Variants in TRPC7 observed in about 807,000 individuals in gnomAD.
TRPC7 encodes transient receptor potential cation channel subfamily C member 7.
A neutral mutation model predicts 90.1 loss-of-function variants in TRPC7; 42 were observed. The observed-to-expected ratio is 0.47, with a 90% CI of 0.36 to 0.60. The LOEUF (loss-of-function observed/expected upper bound fraction) is 0.60, where lower values mean the gene tolerates loss of function less well. TRPC7 is among the 20% of genes least tolerant of loss of function. TRPC7 has a pLI of 0.00. For missense variants in TRPC7, 955 were observed against 1,112.3 expected (o/e 0.86, Z 2.01); for synonymous variants, 451 against 436.3 (o/e 1.03, Z -0.42).
intron 2 of TRPC7, among the ~76,000 whole-genome samples, chr5:136,350,789 C>T (rs960322061): frequency 1.3e-5 from 2 of 152,196 alleles, no homozygotes; most frequent in African/African-American, 4.8e-5. Context: ...GTTCCATCAA[C>T]TCATCACCTG....
At chr5:136,237,597 C>T (rs544879999) in intron 7 of TRPC7, among the ~76,000 whole-genome samples, 1 of 152,266 alleles carries the variant, frequency 6.6e-6, no homozygotes, top group Admixed American at 6.5e-5. Context: ...TTTGAGTATA[C>T]GTTTTTGGCC....
intron 10 of TRPC7, among the ~76,000 whole-genome samples, chr5:136,224,470 T>C (rs1441833378): frequency 6.6e-6 from 1 of 152,200 alleles, no homozygotes; most frequent in Non-Finnish European, 1.5e-5. Context: ...CAGAAACCTG[T>C]GAGCCATGCT....
chr5:136,326,456 A>AT (rs1759351260), intron 2 of TRPC7, among the ~76,000 whole-genome samples: 2 of 152,176 alleles, frequency 1.3e-5, no homozygotes, highest in South Asian at 2.1e-4. Flanking sequence ...TGTTGCTTCA[A>AT]TTTTTTCTTT....
chr5:136,363,822 T>C (rs978738322), intron 1 of TRPC7, among the ~76,000 whole-genome samples: 9 of 152,200 alleles, frequency 5.9e-5, no homozygotes, highest in Non-Finnish European at 1.3e-4. Flanking sequence ...TGTGCTTCTA[T>C]TTTTCTTTTT....
chr5:136,339,839 G>GTAA (rs1221274940), intron 2 of TRPC7, among the ~76,000 whole-genome samples: 2 of 138,114 alleles, frequency 1.4e-5, no homozygotes, highest in Non-Finnish European at 3.3e-5. Context: ...TCTCTCTACT[G>GTAA]CAACAACAAC....
chr5:136,358,320 T>A (rs1279431029), intron 1 of TRPC7, among the ~76,000 whole-genome samples: 2 of 152,216 alleles, frequency 1.3e-5, no homozygotes, highest in African/African-American at 4.8e-5. Flanking sequence ...AGTGTAGAGC[T>A]TAATACTAAT....
At chr5:136,266,512 C>A in intron 4 of TRPC7, 76 bp from the exon 5 acceptor site, 1 of 1,305,334 alleles carries the variant, frequency 7.7e-7, no homozygotes, top group Non-Finnish European at 1.1e-6. Flanking sequence ...ACATCGCTTT[C>A]ACCAAAGTTT....
At chr5:136,356,170 A>C (rs1442603951) in intron 2 of TRPC7, among the ~76,000 whole-genome samples, 1 of 152,244 alleles carries the variant, frequency 6.6e-6, no homozygotes, top group Non-Finnish European at 1.5e-5. Flanking sequence ...AAGACATTCC[A>C]GGATGAGAGA....
At chr5:136,316,679 T>A (rs1477254440) in intron 2 of TRPC7, among the ~76,000 whole-genome samples, 1 of 152,204 alleles carries the variant, frequency 6.6e-6, no homozygotes, top group Admixed American at 6.5e-5. Flanking sequence ...AACAAACTGC[T>A]TAAGTTCTAG....
chr5:136,225,525 C>T (rs1228327149), intron 9 of TRPC7, among the ~76,000 whole-genome samples, 171 bp from the exon 10 acceptor site: 1 of 151,832 alleles, frequency 6.6e-6, no homozygotes, highest in Non-Finnish European at 1.5e-5. Context: ...TTCCTAGGAC[C>T]TTTAGCTCTG....
chr5:136,213,649 C>T (rs753254021), intron 11 of TRPC7, 45 bp from the exon 12 acceptor site: 229 of 1,604,792 alleles, frequency 1.4e-4, no homozygotes, highest in Non-Finnish European at 1.9e-4. Context: ...TAGGTGGAAG[C>T]TCGGGGCTTG....
At chr5:136,258,347 C>G (rs947674519) in intron 5 of TRPC7, among the ~76,000 whole-genome samples, 3 of 152,184 alleles carry the variant, frequency 2.0e-5, no homozygotes, top group African/African-American at 7.2e-5. Flanking sequence ...GTGAAATTGG[C>G]CCCCTGCCGC....
chr5:136,287,759 A>G (rs1361704442), intron 3 of TRPC7, among the ~76,000 whole-genome samples: 3 of 147,962 alleles, frequency 2.0e-5, no homozygotes, highest in Admixed American at 2.0e-4. Flanking sequence ...TGTTGAATGA[A>G]TAAGATGGAG....
chr5:136,285,370 C>G (rs1306005691), intron 3 of TRPC7, among the ~76,000 whole-genome samples: 1 of 152,180 alleles, frequency 6.6e-6, no homozygotes, highest in Non-Finnish European at 1.5e-5. Context: ...CAGCATCAGA[C>G]AGTCTCAAAA....
chr5:136,282,730 C>T (rs1238990585), intron 3 of TRPC7, among the ~76,000 whole-genome samples: 2 of 152,152 alleles, frequency 1.3e-5, no homozygotes, highest in East Asian at 3.8e-4. Flanking sequence ...TTAGAAATAA[C>T]ATGTGTGTAA....
intron 3 of TRPC7, among the ~76,000 whole-genome samples, chr5:136,301,117 C>T (rs972599526): frequency 2.0e-5 from 3 of 152,236 alleles, no homozygotes; most frequent in Admixed American, 2.0e-4. Flanking sequence ...GCAACCTCTG[C>T]CTCTTGGGTT....
At chr5:136,290,187 G>A (rs1757887860) in intron 3 of TRPC7, among the ~76,000 whole-genome samples, 1 of 152,098 alleles carries the variant, frequency 6.6e-6, no homozygotes, top group East Asian at 1.9e-4. Flanking sequence ...CCACAAAGAT[G>A]GGGAAAAAAC....
In TRPC7 at chr5:136,315,564, G is replaced by T. The variant is rs368557517; in HGVS notation, c.963+33C>A. ...CCAGCAGCCCCGAGAAGAGAGGTGA[G>T]ATGGGAAGACCAGGAGAGATGGGGG... is the stretch of plus-strand genomic sequence containing the variant. On this transcript the variant is annotated intron_variant, in intron 3 of 11. Transcript: ENST00000513104. 9.2e-4 allele frequency: 1,482 copies of T among 1,608,202 alleles called. 2 individuals are homozygous for T. Among genetic ancestry groups the T allele is most frequent in the Non-Finnish European group, 1.2e-3 (1,407 of 1,175,530 alleles).
chr5:136,229,885 G>T (rs545214067), intron 8 of TRPC7, among the ~76,000 whole-genome samples: 6 of 152,172 alleles, frequency 3.9e-5, no homozygotes, highest in Non-Finnish European at 8.8e-5. Flanking sequence ...CCCAGAGGAC[G>T]CCCGGTCAAA....
Sources: allele counts gnomAD v4.1 joint callset (sites outside exome capture counted in the v4.1 genomes callset), GRCh38; gene constraint gnomAD v4.1.1; transcripts MANE v1.5; gene names NCBI Gene and HGNC (gene_info 2026-07-23, HGNC 2026-07-21).